The following SENP5 variants were observed in gnomAD, a reference collection of about 807,000 sequenced individuals.
The protein encoded by SENP5 is SUMO specific peptidase 5.
In SENP5, 21 loss-of-function variants were observed where a neutral mutation model predicts 74.2. The ratio of observed to expected loss-of-function variants is 0.28; its 90% confidence interval spans 0.20 to 0.41. The LOEUF (loss-of-function observed/expected upper bound fraction) is 0.41, where lower values mean the gene tolerates loss of function less well. Ranked by LOEUF, SENP5 falls within the 10% of genes least tolerant of loss-of-function variation. The pLI is 1.00. For missense variants in SENP5, 717 were observed against 889.1 expected (o/e 0.81, Z 2.46); for synonymous variants, 311 against 312.7 (o/e 0.99, Z 0.06).
At chr3:196,901,941 T>A (rs1451484224) in intron 5 of SENP5, among the ~76,000 whole-genome samples, 1 of 152,124 alleles carries the variant, frequency 6.6e-6, no homozygotes. Context: ...TTACTAGAAA[T>A]GCACATTCTG....
Position 196,931,090 on chromosome 3 carries a change from ATGTACTAT to A in SENP5, c.*171_*178del. 1.7e-6 allele frequency: 1 copy of A among 594,462 alleles called. No homozygotes were observed. Among genetic ancestry groups the A allele is most frequent in the Non-Finnish European group, 3.0e-6 (1 of 330,460 alleles). The allele number at this position is 594,462 out of a possible 1,614,324, so 36.8% of individuals were successfully genotyped here. On this transcript the variant is annotated 3_prime_UTR_variant, in exon 10 of 10. Coordinates refer to ENST00000323460, the MANE Select transcript of SENP5 (RefSeq NM_152699.5). ...GCCCTTATTCATTTCTCCAGCTACCATGTACTATTGTTTAATGTTCAGTTTGGTTTCAT... is the reference window on the plus strand; with the variant it reads ...GCCCTTATTCATTTCTCCAGCTACCATGTTTAATGTTCAGTTTGGTTTCAT...
At chr3:196,892,207 GAT>G (rs1714239654) in intron 2 of SENP5, among the ~76,000 whole-genome samples, 1 of 152,074 alleles carries the variant, frequency 6.6e-6, no homozygotes, top group Admixed American at 6.5e-5. Flanking sequence ...GCAGAGGCGT[GAT>G]CTCAGCTCAC....
chr3:196,930,855 C>G lies in SENP5; in HGVS notation c.2200C>G (p.Gln734Glu), dbSNP rs1716010574. 1 of 1,613,918 alleles carries G rather than the reference C, an allele frequency of 6.2e-7. No individual in the cohort carries two copies. Among genetic ancestry groups the G allele is most frequent in the Non-Finnish European group, 8.5e-7 (1 of 1,179,964 alleles). ...LALEQPFQFSQEDMPRVRKRI... is the reference protein window; with the variant it reads ...LALEQPFQFSEEDMPRVRKRI... ...CTTAGAGCAGCCTTTCCAGTTTTCACAAGAAGACATGCCCCGAGTGCGGAA... is the reference window on the plus strand; with the variant it reads ...CTTAGAGCAGCCTTTCCAGTTTTCAGAAGAAGACATGCCCCGAGTGCGGAA... The change falls in exon 10 of 10, where the codon CAA (glutamine) becomes GAA (glutamate). Residue 734 changes from glutamine to glutamate, a missense_variant. Physicochemically the swap from Gln to Glu is conservative, Grantham distance 29. Around this residue, in one of 4 missense-constraint regions of SENP5, gnomAD observed 85 missense variants for 188.9 expected, o/e 0.45. Coordinates refer to ENST00000323460, the MANE Select transcript of SENP5 (RefSeq NM_152699.5).
At chr3:196,895,142 G>A (rs971180894) in intron 2 of SENP5, among the ~76,000 whole-genome samples, 2 of 151,614 alleles carry the variant, frequency 1.3e-5, no homozygotes, top group East Asian at 1.9e-4. Flanking sequence ...TGCATCAAAC[G>A]AAAACTGTCC....
chr3:196,872,136 G>T (rs917126774), intron 1 of SENP5, among the ~76,000 whole-genome samples: 1 of 152,062 alleles, frequency 6.6e-6, no homozygotes, highest in Non-Finnish European at 1.5e-5. Context: ...CTCCTTAAGG[G>T]GCTGTTTAGG....
chr3:196,931,975 G>GT lies in SENP5; in HGVS notation c.*1053dup. ...TTAGTCCCATGGGAGCGCAGCAACC[G>GT]TGTCAGGTTCTTTCTCCTGTCCCAT... On this transcript the variant is annotated 3_prime_UTR_variant, in exon 10 of 10. Coordinates refer to ENST00000323460, the MANE Select transcript of SENP5 (RefSeq NM_152699.5). The GT allele has an allele frequency of 2.2e-6, 1 of 446,108 alleles. No homozygotes were observed. The highest frequency in any genetic ancestry group is 4.5e-6 in the Non-Finnish European group (1 of 223,250). The allele number at this position is 446,108 out of a possible 1,614,324, so 27.6% of individuals were successfully genotyped here.
chr3:196,916,279 A>T (rs1048735055), intron 6 of SENP5, among the ~76,000 whole-genome samples: 1 of 152,006 alleles, frequency 6.6e-6, no homozygotes, highest in African/African-American at 2.4e-5. Flanking sequence ...GTGAGCCGAG[A>T]TCATGCCATT....
chr3:196,917,850 TAAG>T (rs1308535544), intron 6 of SENP5, among the ~76,000 whole-genome samples: 1 of 151,972 alleles, frequency 6.6e-6, no homozygotes, highest in Non-Finnish European at 1.5e-5. Flanking sequence ...GAGTGAGCAA[TAAG>T]AAATCATCCA....
At chr3:196,874,138 CTTT>C (rs1252286628) in intron 1 of SENP5, among the ~76,000 whole-genome samples, 4 of 138,976 alleles carry the variant, frequency 2.9e-5, no homozygotes, top group African/African-American at 1.1e-4. Context: ...AGAATGAGAC[CTTT>C]TTTTTTTAAA....
chr3:196,888,398 C>T (rs1308310041), intron 2 of SENP5, among the ~76,000 whole-genome samples: 1 of 151,876 alleles, frequency 6.6e-6, no homozygotes, highest in African/African-American at 2.4e-5. Flanking sequence ...GGCTGATCAA[C>T]ATGGTGAAAC....
intron 6 of SENP5, among the ~76,000 whole-genome samples, chr3:196,922,571 C>T (rs1715660729): frequency 6.6e-6 from 1 of 152,156 alleles, no homozygotes; most frequent in African/African-American, 2.4e-5. Context: ...GCTTCAGCCT[C>T]CCAAGTAGCT....
intron 6 of SENP5, among the ~76,000 whole-genome samples, chr3:196,920,441 T>C (rs1369968843): frequency 6.6e-6 from 1 of 152,236 alleles, no homozygotes; most frequent in African/African-American, 2.4e-5. Flanking sequence ...GGAGCTTTTT[T>C]GTATATTCTG....
At chr3:196,900,282 T>C (rs370199604) in intron 4 of SENP5, 83 bp from the exon 5 acceptor site, 11 of 1,327,696 alleles carry the variant, frequency 8.3e-6, no homozygotes, top group Non-Finnish European at 1.2e-5. Flanking sequence ...GTTAGTAGCC[T>C]GGTTTTATTT....
intron 6 of SENP5, among the ~76,000 whole-genome samples, chr3:196,918,307 A>AG (rs1715469037): frequency 1.3e-5 from 2 of 150,684 alleles, no homozygotes; most frequent in Admixed American, 6.6e-5. Flanking sequence ...ACTCTGTCAA[A>AG]AAAAAAAAAA....
At chr3:196,905,853 A>G (rs140830155) in intron 6 of SENP5, among the ~76,000 whole-genome samples, 42 of 152,198 alleles carry the variant, frequency 2.8e-4, no homozygotes, top group East Asian at 9.7e-4. Context: ...GAAAGTCACA[A>G]TCCTCTAATT....
At chr3:196,902,151 A>G (rs1297396716) in intron 5 of SENP5, among the ~76,000 whole-genome samples, 2 of 152,246 alleles carry the variant, frequency 1.3e-5, no homozygotes, top group East Asian at 3.8e-4. Flanking sequence ...GACACTAAAA[A>G]GACACTCCAG....
intron 6 of SENP5, among the ~76,000 whole-genome samples, chr3:196,904,654 T>G (rs1714828580): frequency 6.6e-6 from 1 of 151,958 alleles, no homozygotes. Flanking sequence ...CGGGCTGTGA[T>G]GGTGGGCGCC....
chr3:196,927,923 G>A, intron 8 of SENP5, 44 bp downstream of exon 8: 1 of 1,275,386 alleles, frequency 7.8e-7, no homozygotes, highest in Middle Eastern at 1.8e-4. Flanking sequence ...TCCAGGGGAT[G>A]GAATTATCTA....
rs77114473 is a variant in SENP5 at position 196,930,809 on chromosome 3, G to A, written c.2158-4G>A. On this transcript the variant is annotated splice_region_variant and splice_polypyrimidine_tract_variant and intron_variant, in intron 9 of 9. Coordinates refer to ENST00000323460, the MANE Select transcript of SENP5 (RefSeq NM_152699.5). ...AAGTGTTTCTGGGACCTTTTTTTTT[G>A]CAGTACTGCAAGTGCCTCGCCTTAG... The A allele has an allele frequency of 9.3e-5, 143 of 1,539,976 alleles. No individual in the cohort carries two copies. The highest frequency in any genetic ancestry group is 6.1e-5 in the Non-Finnish European group (68 of 1,119,628).
Sources: gnomAD v4.1 joint callset for allele counts (sites outside exome capture counted in the v4.1 genomes callset) on GRCh38, gnomAD v4.1.1 for gene constraint, gnomAD v4.1.1 regional missense constraint, MANE v1.5 for transcripts, NCBI Gene and HGNC (gene_info 2026-07-23, HGNC 2026-07-21) for gene names.